Variants in CELF4 observed in about 807,000 individuals in gnomAD.
CELF4 encodes the protein CUGBP Elav-like family member 4, also known as CUG-BP- and ETR-3-like factor 4.
In CELF4, 18 loss-of-function variants were observed where a neutral mutation model predicts 59.9. The observed-to-expected ratio is 0.30, with a 90% confidence interval of 0.21 to 0.45. The LOEUF (loss-of-function observed/expected upper bound fraction) is 0.45. CELF4 is among the 20% of genes least tolerant of loss of function. The probability of loss-of-function intolerance (pLI) is 1.00; values close to 1 mark genes in which losing one functional copy is unlikely to be tolerated. For missense variants in CELF4, 456 were observed against 689.0 expected, an observed-to-expected ratio of 0.66 and a Z score of 3.79; for synonymous variants, 261 against 267.1, an observed-to-expected ratio of 0.98 and a Z score of 0.22.
intron 3 of CELF4, among the ~76,000 whole-genome samples, chr18:37,307,390 C>T (rs1165120812): frequency 6.6e-6 from 1 of 152,098 alleles, no homozygotes; most frequent in Non-Finnish European, 1.5e-5. Flanking sequence ...CTCTCCGATC[C>T]AAATTAAAAC....
At chr18:37,423,792 T>C (rs1473534881) in intron 2 of CELF4, among the ~76,000 whole-genome samples, 27 of 152,186 alleles carry the variant, frequency 1.8e-4, no homozygotes, top group Non-Finnish European at 1.2e-4. Flanking sequence ...AGAATGGCTT[T>C]GGGAGGCTTC....
intron 2 of CELF4, among the ~76,000 whole-genome samples, chr18:37,346,111 G>A (rs1373437284): frequency 1.3e-5 from 2 of 152,206 alleles, no homozygotes; most frequent in Non-Finnish European, 1.5e-5. Context: ...GTGGAGCAGG[G>A]ACCAGCCTGC....
Position 37,253,673 on chromosome 18 carries a change from A to C in CELF4, c.*44+94T>G. On this transcript the variant is annotated intron_variant, in intron 12 of 12. Coordinates refer to ENST00000420428, the MANE Select transcript of CELF4 (RefSeq NM_020180.4). This position sits in a 1 kb window ranked among gnomAD's most constrained non-coding sequence, Gnocchi z 4.5. Reference sequence around the variant, plus strand: ...CCGGGCGCAGCGGGTCCAAGGCACCAGTGAGGGTCCGGCCCACGGAGGCCG... The same window carrying C: ...CCGGGCGCAGCGGGTCCAAGGCACCCGTGAGGGTCCGGCCCACGGAGGCCG... 1 of 944,600 alleles carries C rather than the reference A, an allele frequency of 1.1e-6. No homozygotes were observed. Among genetic ancestry groups the C allele is most frequent in the Admixed American group, 3.1e-5 (1 of 31,960 alleles). 58.5% of individuals were successfully genotyped at this position (944,600 alleles called of 1,614,324 possible).
intron 2 of CELF4, among the ~76,000 whole-genome samples, chr18:37,370,934 C>G (rs11662208): frequency 1.3e-5 from 2 of 152,172 alleles, no homozygotes; most frequent in South Asian, 4.1e-4. Context: ...GGATGTCACA[C>G]GTGTCTTCAA....
chr18:37,393,851 C>A (rs1278752583), intron 2 of CELF4, among the ~76,000 whole-genome samples: 1 of 146,240 alleles, frequency 6.8e-6, no homozygotes, highest in African/African-American at 2.6e-5. Flanking sequence ...TATTCCTTTA[C>A]GCGGCTTTTT....
chr18:37,251,973 A>G (rs1397381482), intron 12 of CELF4, among the ~76,000 whole-genome samples: 1 of 152,130 alleles, frequency 6.6e-6, no homozygotes, highest in East Asian at 1.9e-4. Flanking sequence ...GGCAGGAAAG[A>G]CTGGTTTTGC....
intron 2 of CELF4, among the ~76,000 whole-genome samples, chr18:37,464,969 A>G (rs1048163544): frequency 3.9e-5 from 6 of 152,180 alleles, no homozygotes; most frequent in Non-Finnish European, 8.8e-5. Flanking sequence ...CTGACTCCTC[A>G]GGATGCTGCC....
intron 2 of CELF4, among the ~76,000 whole-genome samples, chr18:37,479,549 A>G (rs2154602945): frequency 6.6e-6 from 1 of 152,330 alleles, no homozygotes; most frequent in East Asian, 1.9e-4. Context: ...ACAGATGAGT[A>G]CTTCTTTTCA....
intron 2 of CELF4, among the ~76,000 whole-genome samples, chr18:37,326,870 A>G (rs2097336002): frequency 6.6e-6 from 1 of 152,114 alleles, no homozygotes; most frequent in South Asian, 2.1e-4. Context: ...ACACATATCC[A>G]TGCATTAAAC....
chr18:37,313,800 G>T (rs2096762642), intron 3 of CELF4, among the ~76,000 whole-genome samples: 2 of 152,252 alleles, frequency 1.3e-5, no homozygotes, highest in Non-Finnish European at 2.9e-5. Flanking sequence ...GGGCCAGGAG[G>T]ATGCAATCGG....
At chr18:37,395,489 G>C (rs951142735) in intron 2 of CELF4, among the ~76,000 whole-genome samples, 7 of 152,300 alleles carry the variant, frequency 4.6e-5, no homozygotes, top group African/African-American at 1.7e-4. Context: ...TAGGGGAAGG[G>C]AACCACAGTA....
intron 2 of CELF4, among the ~76,000 whole-genome samples, chr18:37,353,936 T>C (rs2098515886): frequency 6.6e-6 from 1 of 151,906 alleles, no homozygotes; most frequent in South Asian, 2.1e-4. Context: ...TTTGTATTTT[T>C]AGTAGAGACG....
At position 37,253,083 on chromosome 18, in the gene CELF4, G is replaced by A. The variant is rs1786060; in HGVS notation, c.*44+684C>T. ...GGCTGGAAGAGGCGTGGCTGACTGTGTCTTCAGCTCCTAGGCAGGACCCAG... is the reference window on the plus strand; with the variant it reads ...GGCTGGAAGAGGCGTGGCTGACTGTATCTTCAGCTCCTAGGCAGGACCCAG... On this transcript the variant is annotated intron_variant, in intron 12 of 12. Coordinates refer to ENST00000420428, the MANE Select transcript of CELF4 (RefSeq NM_020180.4). This position sits in a 1 kb window ranked among gnomAD's most constrained non-coding sequence, Gnocchi z 4.5. Among the ~76,000 whole-genome samples the A allele has an allele frequency of 0.14, 20,768 of 152,088 alleles. 3,594 individuals are homozygous for A. Among genetic ancestry groups the A allele is most frequent in the African/African-American group, 0.41 (16,951 of 41,400 alleles).
At chr18:37,308,407 G>T (rs2096525343) in intron 3 of CELF4, among the ~76,000 whole-genome samples, 1 of 152,192 alleles carries the variant, frequency 6.6e-6, no homozygotes, top group Non-Finnish European at 1.5e-5. Context: ...ACCCCCTGCA[G>T]CAGACACTGT....
chr18:37,474,344 G>T (rs771173229), intron 2 of CELF4, among the ~76,000 whole-genome samples: 4 of 152,240 alleles, frequency 2.6e-5, no homozygotes, highest in Non-Finnish European at 4.4e-5. Context: ...GGTAGGCCAG[G>T]TGTGTGGTGA....
At chr18:37,517,568 C>T (rs1450355730) in intron 1 of CELF4, among the ~76,000 whole-genome samples, 1 of 152,188 alleles carries the variant, frequency 6.6e-6, no homozygotes, top group Non-Finnish European at 1.5e-5. Flanking sequence ...CTCTCAGTCC[C>T]AGGCCAACCA....
At chr18:37,265,458 G>A (rs1287062812) in intron 9 of CELF4, among the ~76,000 whole-genome samples, 1 of 152,202 alleles carries the variant, frequency 6.6e-6, no homozygotes, top group Non-Finnish European at 1.5e-5. Flanking sequence ...ACTTCTCTGA[G>A]CCACAGCTGA....
chr18:37,470,216 T>C (rs1180142332), intron 2 of CELF4, among the ~76,000 whole-genome samples: 2 of 152,222 alleles, frequency 1.3e-5, no homozygotes, highest in African/African-American at 2.4e-5. Flanking sequence ...ATAAGCAGTG[T>C]AGACGAAGTT....
chr18:37,526,753 T>TTTCTGGGAAC (rs1238395763), intron 1 of CELF4, among the ~76,000 whole-genome samples: 1 of 152,210 alleles, frequency 6.6e-6, no homozygotes, highest in African/African-American at 2.4e-5. Context: ...GTCCCTGCAC[T>TTTCTGGGAAC]TTCTGGGAAC....
Sources: allele counts gnomAD v4.1 joint callset (sites outside exome capture counted in the v4.1 genomes callset), GRCh38; gene constraint gnomAD v4.1.1; non-coding constraint Gnocchi (gnomAD v3.1); transcripts MANE v1.5; gene names NCBI Gene and HGNC (gene_info 2026-07-23, HGNC 2026-07-21).